DNAH9: variants seen among roughly 807,000 people sequenced by gnomAD.
The protein encoded by DNAH9 is DNAH9 variant protein.
Under a neutral mutation model 471.6 loss-of-function variants are expected in DNAH9, and 345 were observed. That is an observed-to-expected ratio of 0.73 (90% confidence interval 0.67 to 0.80). The LOEUF (loss-of-function observed/expected upper bound fraction) is 0.80. Among genes scored for constraint, DNAH9 ranks in the 30% least tolerant of loss-of-function variants. The pLI is 0.00. For synonymous variants in DNAH9, 2,093 were observed against 2,123.6 expected, an observed-to-expected ratio of 0.99 and a Z score of 0.40; for missense variants, 5,407 against 5,609.2, an observed-to-expected ratio of 0.96 and a Z score of 1.15.
rs1973056022 is a variant in DNAH9, at chr17:11,891,755, G to A, written c.11113-22G>A. 3 of 1,612,530 alleles carry A rather than the reference G, an allele frequency of 1.9e-6. No homozygotes were observed. The East Asian group carries it at 6.7e-5, about 36-fold the overall frequency. ...AGTAAGAGGGCTGTGTACCTTACCAGTTTCCTGTCTTCTGTCCCCAGGCCT... is the reference window on the plus strand; with the variant it reads ...AGTAAGAGGGCTGTGTACCTTACCAATTTCCTGTCTTCTGTCCCCAGGCCT... On this transcript the variant is annotated intron_variant, in intron 57 of 68. Transcript: ENST00000262442.
intron 38 of DNAH9, among the ~76,000 whole-genome samples, chr17:11,776,125 C>T (rs1439925236): frequency 8.5e-5 from 13 of 152,082 alleles, no homozygotes; most frequent in Non-Finnish European, 2.9e-5. Context: ...TTCTTTAATC[C>T]TCCCCAGCCT....
chr17:11,634,798 A>G (rs556553880), intron 8 of DNAH9, among the ~76,000 whole-genome samples: 4 of 152,262 alleles, frequency 2.6e-5, no homozygotes, highest in South Asian at 4.1e-4. Context: ...TTTTCTCCAT[A>G]CCTGGTCATT....
intron 30 of DNAH9, among the ~76,000 whole-genome samples, chr17:11,743,063 G>C (rs1167778036): frequency 6.6e-6 from 1 of 152,052 alleles, no homozygotes; most frequent in Non-Finnish European, 1.5e-5. Flanking sequence ...TACATTCAGT[G>C]ATCTGTACCA....
chr17:11,826,783 A>G (rs1970511031), intron 48 of DNAH9, among the ~76,000 whole-genome samples: 1 of 140,248 alleles, frequency 7.1e-6, no homozygotes, highest in African/African-American at 2.7e-5. Context: ...TTTTCTAAAT[A>G]TCTCTCAATT....
chr17:11,720,715 A>G (rs1019986043), intron 27 of DNAH9, among the ~76,000 whole-genome samples: 5 of 152,212 alleles, frequency 3.3e-5, no homozygotes, highest in African/African-American at 9.6e-5. Context: ...TCATTTCTGT[A>G]GCATGATTTT....
intron 62 of DNAH9, among the ~76,000 whole-genome samples, chr17:11,924,774 C>A (rs1343691532): frequency 1.3e-5 from 2 of 151,980 alleles, no homozygotes; most frequent in Admixed American, 1.3e-4. Context: ...CAGGAGCGTA[C>A]CACCACGCCC....
chr17:11,650,401 C>T (rs2073480757), intron 12 of DNAH9, among the ~76,000 whole-genome samples: 1 of 152,158 alleles, frequency 6.6e-6, no homozygotes, highest in African/African-American at 2.4e-5. Context: ...AATCTTTCTC[C>T]TTGGCTTCTC....
In DNAH9 at chr17:11,799,973, G is replaced by A. The variant is rs191886644; in HGVS notation, c.8420+2180G>A. ...CACCATGTTGATTGTTTTTGCTCCA[G>A]ATCTGCATCCATAAATATCAAACAG... On this transcript the variant is annotated intron_variant, in intron 43 of 68. Transcript: ENST00000262442. Among the ~76,000 whole-genome samples the A allele has an allele frequency of 2.0e-5, 3 of 152,274 alleles. No individual in the cohort carries two copies. In the South Asian group the frequency reaches 6.2e-4, roughly 32 times the overall value.
At chr17:11,802,046 A>C (rs929068903) in intron 43 of DNAH9, among the ~76,000 whole-genome samples, 2 of 152,192 alleles carry the variant, frequency 1.3e-5, no homozygotes, top group African/African-American at 4.8e-5. Context: ...GACAATTCTG[A>C]AGAATAAAAT....
intron 61 of DNAH9, among the ~76,000 whole-genome samples, chr17:11,909,733 AT>A: frequency 6.6e-6 from 1 of 152,208 alleles, no homozygotes; most frequent in East Asian, 1.9e-4. Context: ...GTGCTCCCAA[AT>A]TTTTCAACAG....
At chr17:11,723,899 T>A (rs2150808476) in intron 27 of DNAH9, among the ~76,000 whole-genome samples, 1 of 152,162 alleles carries the variant, frequency 6.6e-6, no homozygotes, top group South Asian at 2.1e-4. Context: ...GGTCTGGATC[T>A]CCTGACCTTG....
chr17:11,693,206 CCCAG>C (rs1555566516), intron 20 of DNAH9, among the ~76,000 whole-genome samples: 1 of 149,790 alleles, frequency 6.7e-6, no homozygotes, highest in Non-Finnish European at 1.5e-5. Context: ...AGCCACCGCG[CCCAG>C]CTTATTATTG....
At chr17:11,825,985 A>G (rs1029091939) in intron 48 of DNAH9, among the ~76,000 whole-genome samples, 1 of 152,194 alleles carries the variant, frequency 6.6e-6, no homozygotes, top group Admixed American at 6.5e-5. Context: ...TGGAAATTTT[A>G]TGGTAATAGG....
intron 59 of DNAH9, 128 bp from the exon 60 acceptor site, chr17:11,902,591 G>A: frequency 1.1e-6 from 1 of 929,946 alleles, no homozygotes. Flanking sequence ...ATGATCCAAA[G>A]CTCTAGACAA....
In DNAH9 at chr17:11,689,774, G is replaced by A. The variant is rs757071473; in HGVS notation, c.3952G>A (p.Ala1318Thr). Reference protein sequence around the residue: ...TIGMVTSSIHAWETTPWRNIN... With the variant: ...TIGMVTSSIHTWETTPWRNIN... ...TGGAATGGTGACCTCCAGCATCCAT[G>A]CCTGGGAGACCACACCCTGGAGGAA... The change falls in exon 20 of 69, where the codon GCC becomes ACC. Residue 1318 changes from alanine (A) to threonine (T), a missense_variant. This residue lies in a region of DNAH9 where 4,636 missense variants were observed against 4,900.3 expected (regional missense o/e 0.95). Coordinates refer to ENST00000262442, the MANE Select transcript of DNAH9 (RefSeq NM_001372.4). 3.7e-6 allele frequency: 6 copies of A among 1,614,076 alleles called. No homozygotes were observed. In the Admixed American group the frequency reaches 1.0e-4, roughly 27 times the overall value.
chr17:11,948,255 A>T, intron 67 of DNAH9, among the ~76,000 whole-genome samples: 3 of 98,090 alleles, frequency 3.1e-5, no homozygotes, highest in Admixed American at 1.5e-4. Flanking sequence ...TTTGAGACGG[A>T]GTCTCACTCT....
At chr17:11,917,599 CTTAT>C (rs1161733736) in intron 61 of DNAH9, among the ~76,000 whole-genome samples, 2 of 152,186 alleles carry the variant, frequency 1.3e-5, no homozygotes, top group African/African-American at 4.8e-5. Flanking sequence ...GCCACACTTC[CTTAT>C]TTGCTTGTTT....
chr17:11,915,247 T>C (rs948911798), intron 61 of DNAH9, among the ~76,000 whole-genome samples: 4 of 152,062 alleles, frequency 2.6e-5, no homozygotes, highest in African/African-American at 9.7e-5. Flanking sequence ...ACTTCCCAGC[T>C]GGGTGCAGTG....
chr17:11,833,515 C>G (rs1331224110), intron 48 of DNAH9, among the ~76,000 whole-genome samples: 1 of 152,168 alleles, frequency 6.6e-6, no homozygotes, highest in East Asian at 1.9e-4. Flanking sequence ...GTCTGATGTT[C>G]TATGTGATTG....
Sources: gnomAD v4.1 joint callset for allele counts (sites outside exome capture counted in the v4.1 genomes callset) on GRCh38, gnomAD v4.1.1 for gene constraint, gnomAD v4.1.1 regional missense constraint, MANE v1.5 for transcripts, NCBI Gene and HGNC (gene_info 2026-07-23, HGNC 2026-07-21) for gene names.